TAB2: variants seen among roughly 807,000 people sequenced by gnomAD.
The protein encoded by TAB2 is TGF-beta-activated kinase 1 and MAP3K7-binding protein 2.
Under a neutral mutation model 65.0 loss-of-function variants are expected in TAB2, and 3 were observed. That is an observed-to-expected ratio of 0.05 (90% CI 0.02 to 0.12). TAB2 has a LOEUF of 0.12. Ranked by LOEUF, TAB2 falls within the 10% of genes least tolerant of loss-of-function variation. The probability of loss-of-function intolerance (pLI) is 1.00; values close to 1 mark genes in which losing one functional copy is unlikely to be tolerated. For missense variants in TAB2, 623 were observed against 840.3 expected (o/e 0.74, Z 3.20); for synonymous variants, 298 against 285.1 (o/e 1.05, Z -0.46).
intron 1 of TAB2, among the ~76,000 whole-genome samples, chr6:149,241,541 T>A (rs2114642933): frequency 6.6e-6 from 1 of 152,364 alleles, no homozygotes; most frequent in Non-Finnish European, 1.5e-5. Context: ...CTTTAAAGTC[T>A]GCTTGCAAAT....
intron 1 of TAB2, among the ~76,000 whole-genome samples, chr6:149,359,601 T>G (rs932945146): frequency 6.6e-6 from 1 of 152,218 alleles, no homozygotes; most frequent in Non-Finnish European, 1.5e-5. Context: ...GGTCCTATAA[T>G]GTGTCTTCTT....
At chr6:149,382,640 A>G (rs187662435) in intron 3 of TAB2, among the ~76,000 whole-genome samples, 144 of 152,238 alleles carry the variant, frequency 9.5e-4, no homozygotes, top group African/African-American at 3.2e-3. Context: ...GAAGCCCACA[A>G]TGTTAACCAC....
intron 3 of TAB2, among the ~76,000 whole-genome samples, chr6:149,394,663 T>C (rs1332197024): frequency 6.6e-6 from 1 of 152,226 alleles, no homozygotes; most frequent in Admixed American, 6.5e-5. Flanking sequence ...TTGCCTTCAG[T>C]GCACCACAGT....
chr6:149,291,316 T>C (rs1583067974), intron 1 of TAB2: 1 of 152,366 alleles, frequency 6.6e-6, no homozygotes, highest in Non-Finnish European at 1.5e-5. Context: ...AGAATTTTAC[T>C]GTGACTGGAT....
chr6:149,352,801 G>C (rs940742373), intron 1 of TAB2, among the ~76,000 whole-genome samples: 6 of 152,142 alleles, frequency 3.9e-5, no homozygotes, highest in African/African-American at 1.4e-4. Context: ...TTTATACTTA[G>C]GGACTTTGAT....
intron 1 of TAB2, among the ~76,000 whole-genome samples, chr6:149,295,392 G>A (rs1778856960): frequency 6.6e-6 from 1 of 152,030 alleles, no homozygotes; most frequent in Non-Finnish European, 1.5e-5. Flanking sequence ...GAGATTTACT[G>A]GTCATCTGTA....
intron 3 of TAB2, among the ~76,000 whole-genome samples, chr6:149,392,688 G>C (rs1782030629): frequency 6.6e-6 from 1 of 152,154 alleles, no homozygotes; most frequent in Non-Finnish European, 1.5e-5. Flanking sequence ...GAAACTTGTT[G>C]ACTTCTGTTG....
intron 1 of TAB2, among the ~76,000 whole-genome samples, chr6:149,334,239 T>C (rs1252584293): frequency 6.6e-6 from 1 of 152,222 alleles, no homozygotes; most frequent in African/African-American, 2.4e-5. Context: ...CTTACCTTTT[T>C]TTCATTATTC....
chr6:149,336,772 G>A (rs1227448795), intron 1 of TAB2, among the ~76,000 whole-genome samples: 1 of 152,086 alleles, frequency 6.6e-6, no homozygotes, highest in Non-Finnish European at 1.5e-5. Context: ...GGAAAGTGTG[G>A]GTTGAACATG....
chr6:149,317,461 T>C, upstream of TAB2: 1 of 170,744 alleles, frequency 5.9e-6, no homozygotes, highest in Non-Finnish European at 1.2e-5. The surrounding 1 kb of genome is among the most constrained non-coding windows in gnomAD (Gnocchi z 4.7). Context: ...GCCGTTCGGC[T>C]AGGGGAGGCC....
chr6:149,254,023 A>AAAGAAAGG (rs1562389474), intron 1 of TAB2, among the ~76,000 whole-genome samples: 2 of 137,338 alleles, frequency 1.5e-5, no homozygotes, highest in South Asian at 2.3e-4. Flanking sequence ...AGAAAGAAAG[A>AAAGAAAGG]AAAGAAAGAA....
intron 3 of TAB2, among the ~76,000 whole-genome samples, chr6:149,384,677 C>A (rs1170105187): frequency 6.6e-6 from 1 of 152,188 alleles, no homozygotes; most frequent in Non-Finnish European, 1.5e-5. Context: ...TACCACCCAA[C>A]TCTAGCTTCC....
intron 1 of TAB2, among the ~76,000 whole-genome samples, chr6:149,348,947 A>G (rs533142640): frequency 5.1e-4 from 78 of 152,076 alleles, no homozygotes; most frequent in African/African-American, 1.8e-3. Context: ...AGCCTGGGCA[A>G]CAAGAGCAAA....
chr6:149,297,423 G>C (rs1477242514), intron 1 of TAB2, among the ~76,000 whole-genome samples: 2 of 152,182 alleles, frequency 1.3e-5, no homozygotes, highest in Non-Finnish European at 2.9e-5. Context: ...ATTTGGGTAA[G>C]AAGAGGAACT....
At chr6:149,359,428 G>A (rs1780773594) in intron 1 of TAB2, among the ~76,000 whole-genome samples, 1 of 152,118 alleles carries the variant, frequency 6.6e-6, no homozygotes, top group Admixed American at 6.6e-5. Context: ...AATTTTGTAA[G>A]GGAGATGTTT....
At position 149,322,983 on chromosome 6, in the gene TAB2, A is replaced by T. The variant is rs1420358576; in HGVS notation, c.-90+4968A>T. Among the ~76,000 whole-genome samples the T allele has an allele frequency of 2.0e-5, 3 of 152,156 alleles. No individual in the cohort carries two copies. The East Asian group carries it at 5.8e-4, about 29-fold the overall frequency. Reference sequence around the variant, plus strand: ...TTAGACTGGAAGATCACGAAACAGCACCTCAAGTGCAGAACATGTCTTCCT... The same window carrying T: ...TTAGACTGGAAGATCACGAAACAGCTCCTCAAGTGCAGAACATGTCTTCCT... On this transcript the variant is annotated intron_variant, in intron 1 of 6. Transcript: ENST00000637181.
At chr6:149,343,394 T>C (rs1345555889) in intron 1 of TAB2, among the ~76,000 whole-genome samples, 1 of 150,750 alleles carries the variant, frequency 6.6e-6, no homozygotes, top group East Asian at 1.9e-4. Context: ...TCACTTGAAC[T>C]GAGGGAGTCG....
chr6:149,295,123 A>G (rs72555900), intron 1 of TAB2, among the ~76,000 whole-genome samples: 12,370 of 152,236 alleles, frequency 0.081, 593 homozygotes, highest in East Asian at 0.14. Context: ...TATGGTGGAC[A>G]CCTAAAACAG....
chr6:149,330,336 G>T (rs1779745981), intron 1 of TAB2, among the ~76,000 whole-genome samples: 1 of 152,116 alleles, frequency 6.6e-6, no homozygotes, highest in Non-Finnish European at 1.5e-5. Context: ...TTGTTGGGTT[G>T]CGTGATAAAT....
Sources: gnomAD v4.1 joint callset for allele counts (sites outside exome capture counted in the v4.1 genomes callset) on GRCh38, gnomAD v4.1.1 for gene constraint, Gnocchi (gnomAD v3.1) non-coding constraint, MANE v1.5 for transcripts, NCBI Gene and HGNC (gene_info 2026-07-23, HGNC 2026-07-21) for gene names.